The following ZIM2 variants were observed in gnomAD, a reference collection of about 807,000 sequenced individuals.
The protein encoded by ZIM2 is zinc finger protein 656.
ZIM2 carries 14 observed loss-of-function variants against 38.6 expected under a neutral mutation model. That is an observed-to-expected ratio of 0.36 (90% CI 0.24 to 0.57). ZIM2 has a LOEUF of 0.57. Among genes scored for constraint, ZIM2 ranks in the 20% least tolerant of loss-of-function variants. The pLI, the probability that ZIM2 is intolerant of heterozygous loss-of-function variation, is 0.81. For missense variants in ZIM2, 680 were observed against 695.1 expected, an observed-to-expected ratio of 0.98 and a Z score of 0.24; for synonymous variants, 247 against 245.8, an observed-to-expected ratio of 1.00 and a Z score of -0.04.
rs552175853 is a variant in ZIM2 at position 56,840,055 on chromosome 19, C to G, written c.-314+527G>C. On this transcript the variant is annotated intron_variant, in intron 1 of 12. Coordinates refer to ENST00000629319, the MANE Select transcript of ZIM2 (RefSeq NM_001387356.1). The stretch of plus-strand genomic sequence containing the variant: ...CCCGCCCCCAGAGGGTAGCCGGGCA[C>G]GCCGGCGCCGCGAGGCCGATGGCAC... 1.1e-4 allele frequency among the ~76,000 whole-genome samples: 16 copies of G among 152,234 alleles called. No homozygotes were observed. In the East Asian group the frequency reaches 1.2e-3, roughly 11 times the overall value.
In ZIM2 at chr19:56,817,777, G is replaced by A. The variant is rs2060115952; in HGVS notation, c.459C>T (p.Ser153=). Reference sequence around the variant, plus strand: ...TGGTGCTTGGGTAGGCACTTCTCTTGGATCTTGATGAGTGGCCCTGCGTCA... The same window carrying A: ...TGGTGCTTGGGTAGGCACTTCTCTTAGATCTTGATGAGTGGCCCTGCGTCA... The part of the protein sequence containing the change: ...SHMTQGHSSR[S]KRSAYPSTSR... The change falls in exon 9 of 13, where the codon TCC becomes TCT. Residue 153 remains serine, a synonymous_variant. Coordinates refer to ENST00000629319, the MANE Select transcript of ZIM2 (RefSeq NM_001387356.1). The A allele has an allele frequency of 1.2e-6, 2 of 1,614,028 alleles. No homozygotes were observed. The highest frequency in any genetic ancestry group is 1.3e-5 in the African/African-American group (1 of 74,910).
Position 56,821,665 on chromosome 19 carries a change from C to T in ZIM2, c.280G>A (p.Glu94Lys). The change falls in exon 7 of 13, where the codon GAG becomes AAG. Residue 94 changes from glutamate to lysine, a missense_variant. Glu to Lys is a moderately conservative substitution (Grantham distance 56, BLOSUM62 1). Coordinates refer to ENST00000629319, the MANE Select transcript of ZIM2 (RefSeq NM_001387356.1). ...REDDRDSRAY[E>K]SRSQDAESYQ... ...CCTGAGCATACCTGAGATCGGGACT[C>T]ATAAGCCCTGGAGTCCCTGTCGTCC... 6.2e-7 allele frequency: 1 copy of T among 1,614,002 alleles called. No individual in the cohort carries two copies. Among genetic ancestry groups the T allele is most frequent in the Non-Finnish European group, 8.5e-7 (1 of 1,180,012 alleles).
chr19:56,816,764 C>T (rs2060019498), intron 9 of ZIM2: 1 of 1,614,116 alleles, frequency 6.2e-7, no homozygotes. Flanking sequence ...TAGAATTTGT[C>T]TTTGCCATAT....
chr19:56,780,770 T>A (rs924842518), intron 11 of ZIM2, among the ~76,000 whole-genome samples: 1 of 152,230 alleles, frequency 6.6e-6, no homozygotes, highest in Non-Finnish European at 1.5e-5. Context: ...AACACCAAAC[T>A]GATATTCTCT....
At chr19:56,793,888 A>G (rs1299365257) in intron 9 of ZIM2, among the ~76,000 whole-genome samples, 2 of 152,198 alleles carry the variant, frequency 1.3e-5, no homozygotes, top group South Asian at 2.1e-4. Context: ...AAATAAACCT[A>G]AAGTGTTTGA....
At chr19:56,811,432 C>T (rs796914535) in intron 9 of ZIM2, 18 of 914,760 alleles carry the variant, frequency 2.0e-5, no homozygotes, top group African/African-American at 1.1e-4. Flanking sequence ...TATATTTCCA[C>T]GTTGCTACAT....
intron 9 of ZIM2, chr19:56,812,235 A>C (rs556402013): frequency 3.1e-6 from 3 of 979,982 alleles, no homozygotes; most frequent in Non-Finnish European, 3.6e-6. Flanking sequence ...TAGTCCACAG[A>C]ATAGGACACA....
At chr19:56,805,615 T>C (rs1225145907) in intron 9 of ZIM2, among the ~76,000 whole-genome samples, 1 of 152,144 alleles carries the variant, frequency 6.6e-6, no homozygotes, top group East Asian at 1.9e-4. Flanking sequence ...GGATCTCTTG[T>C]GGGTTAAAAC....
At chr19:56,801,946 G>GTC (rs1476098117) in intron 9 of ZIM2, among the ~76,000 whole-genome samples, 2 of 152,146 alleles carry the variant, frequency 1.3e-5, no homozygotes, top group African/African-American at 4.8e-5. Flanking sequence ...TATCCATAAA[G>GTC]TACCACAGCT....
chr19:56,803,147 G>T (rs2047604429), intron 9 of ZIM2, among the ~76,000 whole-genome samples: 2 of 152,202 alleles, frequency 1.3e-5, no homozygotes, highest in Non-Finnish European at 2.9e-5. Flanking sequence ...AAAGGGGGCA[G>T]AAGGGCTGTC....
At chr19:56,784,475 G>A (rs80041223) in intron 10 of ZIM2, among the ~76,000 whole-genome samples, 2,707 of 152,276 alleles carry the variant, frequency 0.018, 93 homozygotes, top group African/African-American at 0.062. Context: ...TGTATGGTAG[G>A]TCATGATTTC....
intron 1 of ZIM2, among the ~76,000 whole-genome samples, chr19:56,838,065 A>T (rs2062394786): frequency 6.6e-6 from 1 of 152,232 alleles, no homozygotes; most frequent in Non-Finnish European, 1.5e-5. Flanking sequence ...GCACCTGCAC[A>T]GTACACCGTG....
At chr19:56,793,335 A>G (rs1240061799) in intron 9 of ZIM2, 1 of 152,618 alleles carries the variant, frequency 6.6e-6, no homozygotes, top group African/African-American at 2.4e-5. Flanking sequence ...TCCTCAAGAT[A>G]TCTGAAACCC....
intron 11 of ZIM2, among the ~76,000 whole-genome samples, chr19:56,780,859 G>A (rs1197606303): frequency 2.6e-5 from 4 of 152,298 alleles, no homozygotes; most frequent in African/African-American, 4.8e-5. Flanking sequence ...ATGTCATGCT[G>A]TCCATGTACT....
chr19:56,775,099 C>CT lies in ZIM2; in HGVS notation c.1265dup (p.Pro423AlafsTer10). 6.2e-7 allele frequency: 1 copy of CT among 1,614,120 alleles called. No homozygotes were observed. The highest frequency in any genetic ancestry group is 8.5e-7 in the Non-Finnish European group (1 of 1,180,034). On this transcript the variant is annotated frameshift_variant, in exon 13 of 13. Transcript: ENST00000629319. LOFTEE classifies it low-confidence loss of function (END_TRUNC). ...AGAGATTCGCACACTGGACGGAAGG[C>CT]TTTCTACCTTCATTGCAGCCAGAAG...
intron 10 of ZIM2, among the ~76,000 whole-genome samples, chr19:56,787,156 T>C (rs539412787): frequency 2.9e-4 from 44 of 152,324 alleles, no homozygotes; most frequent in African/African-American, 9.1e-4. Flanking sequence ...TTTAATTTCA[T>C]TGGACAAGAC....
At chr19:56,816,068 T>C (rs774440614) in intron 9 of ZIM2, 2 of 1,603,074 alleles carry the variant, frequency 1.2e-6, no homozygotes, top group Non-Finnish European at 1.7e-6. Flanking sequence ...CCTGCTACAC[T>C]GTGACTTTTC....
intron 6 of ZIM2, chr19:56,822,450 G>C (rs890518431): frequency 3.0e-6 from 1 of 328,556 alleles, no homozygotes. Flanking sequence ...CTTCATACTA[G>C]TTTTCAATTT....
chr19:56,794,512 C>T (rs770304497), intron 9 of ZIM2, among the ~76,000 whole-genome samples: 8 of 152,172 alleles, frequency 5.3e-5, no homozygotes, highest in Non-Finnish European at 7.3e-5. Context: ...ACGTAATGAA[C>T]ATCACTGAAA....
Sources: gnomAD v4.1 joint callset for allele counts (sites outside exome capture counted in the v4.1 genomes callset) on GRCh38, gnomAD v4.1.1 for gene constraint, MANE v1.5 for transcripts, NCBI Gene and HGNC (gene_info 2026-07-23, HGNC 2026-07-21) for gene names.